Variants in NALF1 observed in about 807,000 individuals in gnomAD.
NALF1 encodes the protein NALCN channel auxiliary factor 1, also known as family with sequence similarity 155 member A.
Under a neutral mutation model 48.4 loss-of-function variants are expected in NALF1, and 3 were observed. The observed-to-expected ratio is 0.06, with a 90% CI of 0.03 to 0.16. The LOEUF (loss-of-function observed/expected upper bound fraction) is 0.16. NALF1 is among the 10% of genes least tolerant of loss of function. The pLI, the probability that NALF1 is intolerant of heterozygous loss-of-function variation, is 1.00. For missense variants in NALF1, 526 were observed against 571.5 expected, an observed-to-expected ratio of 0.92 and a Z score of 0.81; for synonymous variants, 262 against 245.7, an observed-to-expected ratio of 1.07 and a Z score of -0.62.
In NALF1 at chr13:107,168,812, C is replaced by G. The variant is rs943319776; in HGVS notation, c.*1685G>C. The G allele has an allele frequency of 3.3e-5, 5 of 152,350 alleles. No homozygotes were observed. Among genetic ancestry groups the G allele is most frequent in the Non-Finnish European group, 5.9e-5 (4 of 68,006 alleles). The allele number at this position is 152,350 out of a possible 1,614,324, so 9.4% of individuals were successfully genotyped here. A position where few individuals can be genotyped will look rare whatever the true frequency, so the allele number is the denominator to read the frequency against. On this transcript the variant is annotated 3_prime_UTR_variant, in exon 3 of 3. Transcript: ENST00000375915. ...GTCTGTTTGAACAAAAACAAATGCC[C>G]GGGGAAATTTCATAGCTATAAAGTT...
intron 1 of NALF1, among the ~76,000 whole-genome samples, chr13:107,714,077 A>G (rs1369908132): frequency 6.6e-6 from 1 of 152,206 alleles, no homozygotes; most frequent in East Asian, 1.9e-4. Context: ...CAACTCTCTG[A>G]TTTCAGTTGA....
chr13:107,185,880 A>G (rs1398196643), intron 2 of NALF1, among the ~76,000 whole-genome samples: 2 of 152,196 alleles, frequency 1.3e-5, no homozygotes, highest in Non-Finnish European at 2.9e-5. Flanking sequence ...TAAGTAGCTG[A>G]GTTTATCACT....
In NALF1 at chr13:107,269,796, A is replaced by C. The variant is rs528444073; in HGVS notation, c.916-59041T>G. 3.5e-4 allele frequency among the ~76,000 whole-genome samples: 53 copies of C among 151,946 alleles called. 1 individual carries two copies. The South Asian group carries it at 0.011, about 32-fold the overall frequency. ...ACAAGCAATTCTGTTTTATTATATA[A>C]GGAAGAAATATGTTTCTTTTTTTTT... On this transcript the variant is annotated intron_variant, in intron 1 of 2. Transcript: ENST00000375915.
intron 1 of NALF1, among the ~76,000 whole-genome samples, chr13:107,527,557 T>C (rs1466396351): frequency 6.6e-6 from 1 of 152,254 alleles, no homozygotes; most frequent in East Asian, 1.9e-4. Context: ...CAATTTAAAA[T>C]GCTCTGGGCA....
At chr13:107,498,301 G>A (rs1875405884) in intron 1 of NALF1, among the ~76,000 whole-genome samples, 1 of 152,096 alleles carries the variant, frequency 6.6e-6, no homozygotes, top group Admixed American at 6.6e-5. Context: ...TCTTCTCATT[G>A]ATAGGTCCAT....
At chr13:107,391,653 T>C (rs985596526) in intron 1 of NALF1, among the ~76,000 whole-genome samples, 2 of 152,134 alleles carry the variant, frequency 1.3e-5, no homozygotes, top group East Asian at 3.9e-4. Context: ...CCCACAATCC[T>C]TTACCTTAAC....
chr13:107,678,274 G>A (rs1881185159), intron 1 of NALF1, among the ~76,000 whole-genome samples: 1 of 152,172 alleles, frequency 6.6e-6, no homozygotes, highest in Non-Finnish European at 1.5e-5. Flanking sequence ...CTCAGCGTAT[G>A]GCCGGCAGGA....
At chr13:107,495,604 T>A (rs1311154725) in intron 1 of NALF1, among the ~76,000 whole-genome samples, 1 of 152,198 alleles carries the variant, frequency 6.6e-6, no homozygotes, top group Non-Finnish European at 1.5e-5. Flanking sequence ...TGTGATTTGA[T>A]TTCCAGTGGT....
At chr13:107,482,304 GTATGA>G (rs1313390107) in intron 1 of NALF1, among the ~76,000 whole-genome samples, 15 of 152,172 alleles carry the variant, frequency 9.9e-5, no homozygotes, top group Middle Eastern at 3.4e-3. Flanking sequence ...CCTCACAGTG[GTATGA>G]GCCAATTCTT....
chr13:107,572,849 T>C (rs575749024), intron 1 of NALF1, among the ~76,000 whole-genome samples: 1 of 152,320 alleles, frequency 6.6e-6, no homozygotes, highest in South Asian at 2.1e-4. Context: ...GATACTTTTC[T>C]TTTAAAACAT....
intron 1 of NALF1, among the ~76,000 whole-genome samples, chr13:107,825,635 TAATC>T (rs1047599606): frequency 6.6e-6 from 1 of 152,196 alleles, no homozygotes; most frequent in African/African-American, 2.4e-5. Flanking sequence ...TTGTAGAACA[TAATC>T]AACTCCACAT....
intron 1 of NALF1, among the ~76,000 whole-genome samples, chr13:107,762,238 GA>G (rs5806687): frequency 0.99 from 142,399 of 144,050 alleles, 70,384 homozygotes; most frequent in Middle Eastern, 1. Context: ...CATTCTATCA[GA>G]AAAAAAAAAA....
At chr13:107,548,006 C>G (rs766626728) in intron 1 of NALF1, among the ~76,000 whole-genome samples, 7 of 151,882 alleles carry the variant, frequency 4.6e-5, no homozygotes, top group Admixed American at 3.9e-4. Context: ...CAGGAGTGCA[C>G]GTGCAGGTTT....
At chr13:107,335,987 A>T (rs2138928654) in intron 1 of NALF1, among the ~76,000 whole-genome samples, 1 of 152,206 alleles carries the variant, frequency 6.6e-6, no homozygotes, top group Non-Finnish European at 1.5e-5. Flanking sequence ...TACGTCAGGG[A>T]ACTGTGAAGT....
At chr13:107,282,100 A>G (rs1881399903) in intron 1 of NALF1, among the ~76,000 whole-genome samples, 1 of 152,124 alleles carries the variant, frequency 6.6e-6, no homozygotes, top group Non-Finnish European at 1.5e-5. Flanking sequence ...CAACAAGGGG[A>G]GGAAGCAGCG....
intron 1 of NALF1, among the ~76,000 whole-genome samples, chr13:107,804,288 G>C (rs966421755): frequency 3.3e-5 from 5 of 152,086 alleles, no homozygotes; most frequent in Admixed American, 3.3e-4. Flanking sequence ...AATACCTTTA[G>C]CATCAGTTAT....
At chr13:107,177,089 C>G (rs1364096236) in intron 2 of NALF1, among the ~76,000 whole-genome samples, 1 of 151,736 alleles carries the variant, frequency 6.6e-6, no homozygotes, top group African/African-American at 2.4e-5. Context: ...AGTGAAAAAT[C>G]TGAAAAAGAA....
intron 1 of NALF1, among the ~76,000 whole-genome samples, chr13:107,814,959 G>T (rs1341421215): frequency 6.6e-6 from 1 of 151,966 alleles, no homozygotes; most frequent in Non-Finnish European, 1.5e-5. Flanking sequence ...ATAAAATGTT[G>T]GAAGTCATAC....
chr13:107,788,257 C>T (rs1878130731), intron 1 of NALF1: 2 of 152,130 alleles, frequency 1.3e-5, no homozygotes, highest in Non-Finnish European at 2.9e-5. Context: ...ATCTGCGTGT[C>T]TCATTTTGCC....
Sources: allele counts gnomAD v4.1 joint callset (sites outside exome capture counted in the v4.1 genomes callset), GRCh38; gene constraint gnomAD v4.1.1; transcripts MANE v1.5; gene names NCBI Gene and HGNC (gene_info 2026-07-23, HGNC 2026-07-21).